Variants in PDE4C observed in about 807,000 individuals in gnomAD.
PDE4C encodes 3',5'-cyclic-AMP phosphodiesterase 4C.
PDE4C carries 50 observed loss-of-function variants against 63.9 expected under a neutral mutation model. That is an observed-to-expected ratio of 0.78 (90% confidence interval 0.62 to 0.99). PDE4C has a LOEUF of 0.99. Ranked by LOEUF, PDE4C falls within the 50% of genes least tolerant of loss-of-function variation. The pLI is 0.00. For missense variants in PDE4C, 777 were observed against 899.1 expected (o/e 0.86, Z 1.74); for synonymous variants, 377 against 385.1 (o/e 0.98, Z 0.25).
At chr19:18,228,360 A>G (rs1201935419), upstream of PDE4C, among the ~76,000 whole-genome samples, 3 of 152,160 alleles carry the variant, frequency 2.0e-5, no homozygotes, top group African/African-American at 4.8e-5. Context: ...TGAAGGGAAA[A>G]GTCATTGGAT....
In PDE4C at chr19:18,220,819, G is replaced by A. The variant is rs754539547; in HGVS notation, c.499+55C>T. 2.6e-6 allele frequency: 4 copies of A among 1,547,764 alleles called. No homozygotes were observed. The South Asian group carries it at 3.5e-5, about 13-fold the overall frequency. On this transcript the variant is annotated intron_variant, in intron 5 of 14. Coordinates refer to ENST00000262805, the Ensembl canonical transcript of PDE4C. This position sits in a 1 kb window ranked among gnomAD's most constrained non-coding sequence, Gnocchi z 5.1. ...GCTCATGGACTGGGGAGGTCACTAT[G>A]GAAAGGAAGCTCCCAGCTGTCCTCA...
rs138832810 is a variant in PDE4C, at chr19:18,222,657, T to TTCTCTCTC, written c.147-342_147-335dup. On this transcript the variant is annotated intron_variant, in intron 1 of 14. Coordinates refer to ENST00000262805, the Ensembl canonical transcript of PDE4C. The stretch of plus-strand genomic sequence containing the variant: ...CTTTTTTTTTTTTCTTTCTCGTTCT[T>TTCTCTCTC]TCTCTCTCTCTCTCTCTCTCTCTCT... Among the ~76,000 whole-genome samples, 336 of 82,420 alleles carry TTCTCTCTC rather than the reference T, an allele frequency of 4.1e-3. 3 individuals are homozygous for TTCTCTCTC. The highest frequency in any genetic ancestry group is 8.8e-3 in the East Asian group (22 of 2,512). The allele number at this position is 82,420 out of a possible 152,430, so 54.1% of individuals were successfully genotyped here.
At chr19:18,222,208 A>C in exon 2 of PDE4C, 1 of 1,614,174 alleles carries the variant, frequency 6.2e-7, no homozygotes, top group Admixed American at 1.7e-5. Context: ...CGGTACAGGA[A>C]GGACTCGCGC....
chr19:18,222,314 C>T lies in PDE4C; in HGVS notation c.156G>A (p.Leu52=), dbSNP rs199685179. ...TCCTCCCACACGAGAGCCCATTTTC[C>T]AGGTCAAAGCTGAAAGGAGAGACGG... Residue 52 remains leucine (L), a synonymous_variant, in exon 2 of 15, where the codon CTG becomes CTA. Coordinates refer to ENST00000262805, the Ensembl canonical transcript of PDE4C. The T allele has an allele frequency of 3.7e-5, 60 of 1,609,318 alleles. No homozygotes were observed. In the Middle Eastern group the frequency reaches 5.6e-4, roughly 15 times the overall value.
intron 1 of PDE4C, among the ~76,000 whole-genome samples, chr19:18,223,545 C>T (rs1968587085): frequency 6.6e-6 from 1 of 152,126 alleles, no homozygotes; most frequent in Admixed American, 6.5e-5. Context: ...AGGGTTTCAC[C>T]GTGTTGGCCA....
chr19:18,222,706 T>TC (rs1568671608), intron 1 of PDE4C, among the ~76,000 whole-genome samples: 1 of 136,506 alleles, frequency 7.3e-6, no homozygotes, highest in Non-Finnish European at 1.6e-5. Context: ...TTTTCTTTTT[T>TC]TTTTTTTTTT....
intron 12 of PDE4C, 25 bp from the exon 13 acceptor site, chr19:18,213,515 C>T (rs761789471): frequency 4.4e-6 from 7 of 1,605,614 alleles, no homozygotes; most frequent in Non-Finnish European, 6.0e-6. Context: ...GGGAAGGTGA[C>T]AGGCGCGAGG....
At chr19:18,211,338 C>A (rs537936294) in intron 14 of PDE4C, 62 bp from the exon 15 acceptor site, 41 of 1,383,548 alleles carry the variant, frequency 3.0e-5, no homozygotes, top group Non-Finnish European at 2.9e-6. Context: ...AGACTCAATC[C>A]AGCCTCCAGA....
At chr19:18,242,064 G>A (rs566764080) in intron 1 of PDE4C, among the ~76,000 whole-genome samples, 103 of 152,292 alleles carry the variant, frequency 6.8e-4, no homozygotes, top group African/African-American at 1.7e-3. Context: ...GCTTTGAGCC[G>A]AGGCCTGAAA....
Position 18,220,571 on chromosome 19 carries a change from C to A in PDE4C, c.500-56G>T. 3 of 1,448,886 alleles carry A rather than the reference C, an allele frequency of 2.1e-6. No individual in the cohort carries two copies. The highest frequency in any genetic ancestry group is 2.9e-6 in the Non-Finnish European group (3 of 1,044,504). The allele number at this position is 1,448,886 out of a possible 1,614,324, so 89.8% of individuals were successfully genotyped here. On this transcript the variant is annotated intron_variant, in intron 5 of 14. Coordinates refer to ENST00000262805, the Ensembl canonical transcript of PDE4C. The surrounding 1 kb of genome is among the most constrained non-coding windows in gnomAD (Gnocchi z 5.1). ...AACCCCCCCGCTCAGGGACCCCACG[C>A]CTCTCGCGACTTCGTCTCTTCATCT... is the stretch of plus-strand genomic sequence containing the variant.
chr19:18,241,665 A>G (rs1969042934), intron 1 of PDE4C, among the ~76,000 whole-genome samples: 1 of 151,970 alleles, frequency 6.6e-6, no homozygotes, highest in Non-Finnish European at 1.5e-5. Flanking sequence ...TCCTCCCACC[A>G]CAGCCTCCCA....
chr19:18,218,808 A>G, intron 9 of PDE4C, 132 bp downstream of exon 9: 1 of 784,946 alleles, frequency 1.3e-6, no homozygotes, highest in Non-Finnish European at 2.3e-6. Flanking sequence ...ATCCTTCAAT[A>G]CCCTGCTCAA....
At chr19:18,238,502 T>C (rs1346317257), upstream of PDE4C, among the ~76,000 whole-genome samples, 1 of 151,742 alleles carries the variant, frequency 6.6e-6, no homozygotes, top group Non-Finnish European at 1.5e-5. Flanking sequence ...CCTCCCAAAG[T>C]GTGGGAATTA....
chr19:18,215,350 C>T (rs911460244), intron 12 of PDE4C, among the ~76,000 whole-genome samples: 3 of 152,116 alleles, frequency 2.0e-5, no homozygotes, highest in Admixed American at 6.6e-5. Flanking sequence ...CCTGCAGGTC[C>T]CTAGTCAAGG....
chr19:18,218,598 C>G, intron 9 of PDE4C, 100 bp from the exon 10 acceptor site: 3 of 1,340,396 alleles, frequency 2.2e-6, no homozygotes, highest in Non-Finnish European at 3.2e-6. Context: ...GCCTCAAGCA[C>G]CTGCTCCTCT....
At chr19:18,217,140 C>T in intron 11 of PDE4C, 2 of 410,346 alleles carry the variant, frequency 4.9e-6, no homozygotes. Context: ...TGGCCAGTGA[C>T]AGTGAGTACT....
chr19:18,251,172 C>A (rs1205853678), upstream of PDE4C, among the ~76,000 whole-genome samples: 3 of 151,430 alleles, frequency 2.0e-5, no homozygotes, highest in Admixed American at 6.6e-5. Flanking sequence ...GTCTCCCAGG[C>A]TGGAGTGCAG....
chr19:18,237,374 A>G (rs1454431569), upstream of PDE4C, among the ~76,000 whole-genome samples: 1 of 151,714 alleles, frequency 6.6e-6, no homozygotes, highest in African/African-American at 2.4e-5. Flanking sequence ...CAACATGGAG[A>G]AACCCCACCT....
At position 18,220,895 on chromosome 19, in the gene PDE4C, TG is replaced by T. The variant is rs1337718063; in HGVS notation, c.477del (p.Ser160AlafsTer19). On this transcript the variant is annotated frameshift_variant, in exon 5 of 15. Transcript: ENST00000262805. LOFTEE classifies it high-confidence loss of function. This position sits in a 1 kb window ranked among gnomAD's most constrained non-coding sequence, Gnocchi z 5.1. ...TTACCTGCAGGAGGGAGCTGATTGC[TG>T]GATGAAGGGTTTCCGACGGGTCCCT... 6.2e-7 allele frequency: 1 copy of T among 1,608,830 alleles called. No homozygotes were observed. Among genetic ancestry groups the T allele is most frequent in the Non-Finnish European group, 8.5e-7 (1 of 1,178,490 alleles).
Sources: allele counts gnomAD v4.1 joint callset (sites outside exome capture counted in the v4.1 genomes callset), GRCh38; gene constraint gnomAD v4.1.1; non-coding constraint Gnocchi (gnomAD v3.1); transcripts MANE v1.5; gene names NCBI Gene and HGNC (gene_info 2026-07-23, HGNC 2026-07-21).